TUSC3: variants seen among roughly 807,000 people sequenced by gnomAD.
The protein encoded by TUSC3 is tumor suppressor candidate 3.
TUSC3 carries 45 observed loss-of-function variants against 44.8 expected under a neutral mutation model. The ratio of observed to expected loss-of-function variants is 1.00; its 90% confidence interval spans 0.79 to 1.29. TUSC3 has a LOEUF of 1.29. TUSC3 is among the 50% of genes most tolerant of loss of function. TUSC3 has a pLI of 0.00. For synonymous variants in TUSC3, 212 were observed against 152.9 expected, an observed-to-expected ratio of 1.39 and a Z score of -2.85; for missense variants, 519 against 437.9, an observed-to-expected ratio of 1.19 and a Z score of -1.65.
At chr8:15,433,342 C>G (rs547235031) in intron 1 of TUSC3, among the ~76,000 whole-genome samples, 7 of 152,188 alleles carry the variant, frequency 4.6e-5, no homozygotes, top group African/African-American at 7.2e-5. Context: ...GTCAATATGT[C>G]TCTTAATTTT....
chr8:15,773,148 G>A, the TUSC3 span, among the ~76,000 whole-genome samples: 1 of 152,016 alleles, frequency 6.6e-6, no homozygotes. Context: ...AATTAGGTAA[G>A]GACACAAAAA....
intron 2 of TUSC3, among the ~76,000 whole-genome samples, chr8:15,514,920 A>T (rs1801195039): frequency 6.6e-6 from 1 of 152,194 alleles, no homozygotes; most frequent in Non-Finnish European, 1.5e-5. Context: ...TGTGGTTAAG[A>T]TGGGAAGAAA....
the TUSC3 span, among the ~76,000 whole-genome samples, chr8:15,841,603 T>C: frequency 6.6e-6 from 1 of 151,954 alleles, no homozygotes; most frequent in Admixed American, 6.6e-5. Context: ...AACCCCTGCC[T>C]CCCGGGTTCA....
intron 1 of TUSC3, among the ~76,000 whole-genome samples, chr8:15,424,278 A>C (rs1020055875): frequency 4.0e-5 from 6 of 151,874 alleles, no homozygotes; most frequent in African/African-American, 1.5e-4. Flanking sequence ...CAATCAGAGA[A>C]GGTGGTCCCT....
chr8:15,814,349 C>T, the TUSC3 span, among the ~76,000 whole-genome samples: 1 of 152,014 alleles, frequency 6.6e-6, no homozygotes, highest in Non-Finnish European at 1.5e-5. Flanking sequence ...TTTGCATTAC[C>T]TGACTTCTTG....
intron 1 of TUSC3, among the ~76,000 whole-genome samples, chr8:15,594,047 C>G (rs970554263): frequency 6.6e-6 from 1 of 152,206 alleles, no homozygotes; most frequent in African/African-American, 2.4e-5. Flanking sequence ...TTCTCCCCAA[C>G]TTGTATACTA....
chr8:15,745,798 A>G (rs1811390142), intron 8 of TUSC3, among the ~76,000 whole-genome samples: 1 of 151,858 alleles, frequency 6.6e-6, no homozygotes, highest in African/African-American at 2.4e-5. Flanking sequence ...AATCAGTCCC[A>G]CTTGCCAGTT....
At chr8:15,559,666 G>A (rs1357453875) in intron 1 of TUSC3, among the ~76,000 whole-genome samples, 1 of 136,524 alleles carries the variant, frequency 7.3e-6, no homozygotes. Flanking sequence ...CTCAGGACTT[G>A]CTTTATGAAT....
At chr8:15,526,018 A>C (rs1801368649) in intron 2 of TUSC3, among the ~76,000 whole-genome samples, 1 of 151,788 alleles carries the variant, frequency 6.6e-6, no homozygotes, top group Non-Finnish European at 1.5e-5. Context: ...TATAAATGTA[A>C]TTCCACTTGT....
At chr8:15,722,495 A>C (rs1162100159) in intron 6 of TUSC3, among the ~76,000 whole-genome samples, 1 of 152,020 alleles carries the variant, frequency 6.6e-6, no homozygotes, top group African/African-American at 2.4e-5. Flanking sequence ...CAAAAGGCTC[A>C]GTTTCTCTCT....
At chr8:15,638,056 C>A (rs755846059) in intron 2 of TUSC3, among the ~76,000 whole-genome samples, 1 of 152,142 alleles carries the variant, frequency 6.6e-6, no homozygotes, top group African/African-American at 2.4e-5. Flanking sequence ...AAGCCCCTTT[C>A]TTTATGTTCC....
At chr8:15,644,689 AT>A (rs560037687) in intron 2 of TUSC3, among the ~76,000 whole-genome samples, 44 of 148,724 alleles carry the variant, frequency 3.0e-4, no homozygotes, top group Middle Eastern at 3.5e-3. Flanking sequence ...ATTGGGGCAC[AT>A]TTTTTTTTTC....
intron 6 of TUSC3, among the ~76,000 whole-genome samples, chr8:15,719,559 A>G (rs1810216587): frequency 6.6e-6 from 1 of 150,922 alleles, no homozygotes; most frequent in African/African-American, 2.4e-5. Flanking sequence ...GCCCCATGAG[A>G]CTAGAGATCA....
At chr8:15,642,722 T>C (rs1305242208) in intron 2 of TUSC3, among the ~76,000 whole-genome samples, 1 of 152,206 alleles carries the variant, frequency 6.6e-6, no homozygotes, top group East Asian at 1.9e-4. Context: ...CAGATATTTT[T>C]TGAGTATCAT....
At chr8:15,453,455 C>T (rs775600198) in intron 1 of TUSC3, among the ~76,000 whole-genome samples, 5 of 152,144 alleles carry the variant, frequency 3.3e-5, no homozygotes, top group East Asian at 1.9e-4. Context: ...AAATAAAAAA[C>T]GGTGATTTCT....
rs575719040 is a variant in TUSC3 at position 15,469,125 on chromosome 8, C to T, written n.92-14261C>T. The stretch of plus-strand genomic sequence containing the variant: ...TCAAGCGATAATGAAGCAATTTGAA[C>T]CACCAAAGCATGATTTATGAAAGAA... On this transcript the variant is annotated intron_variant and non_coding_transcript_variant, in intron 1 of 5. Transcript: ENST00000503191. 1.4e-4 allele frequency among the ~76,000 whole-genome samples: 22 copies of T among 152,130 alleles called. 1 individual carries two copies. The highest frequency in any genetic ancestry group is 5.1e-4 in the African/African-American group (21 of 41,504).
At chr8:15,627,989 C>T (rs1585169289) in intron 2 of TUSC3, among the ~76,000 whole-genome samples, 1 of 152,170 alleles carries the variant, frequency 6.6e-6, no homozygotes, top group Non-Finnish European at 1.5e-5. Flanking sequence ...GGCGAAGCGA[C>T]ACCCCAAGGA....
At chr8:15,818,027 C>T in the TUSC3 span, among the ~76,000 whole-genome samples, 1 of 152,024 alleles carries the variant, frequency 6.6e-6, no homozygotes, top group African/African-American at 2.4e-5. Flanking sequence ...AAAGGAAGAA[C>T]AAGTAGCAGT....
chr8:15,520,686 G>A (rs1246984448), intron 2 of TUSC3, among the ~76,000 whole-genome samples: 1 of 152,144 alleles, frequency 6.6e-6, no homozygotes, highest in African/African-American at 2.4e-5. Flanking sequence ...TTTTCCTCAT[G>A]CATTCATATT....
Sources: allele counts gnomAD v4.1 joint callset (sites outside exome capture counted in the v4.1 genomes callset), GRCh38; gene constraint gnomAD v4.1.1; transcripts MANE v1.5; gene names NCBI Gene and HGNC (gene_info 2026-07-23, HGNC 2026-07-21).